The following PALMD variants were observed in gnomAD, a reference collection of about 807,000 sequenced individuals.
PALMD encodes the protein paralemmin-like protein.
Under a neutral mutation model 56.2 loss-of-function variants are expected in PALMD, and 42 were observed. The observed-to-expected ratio is 0.75, with a 90% CI of 0.58 to 0.97. The LOEUF (loss-of-function observed/expected upper bound fraction) is 0.97, where lower values mean the gene tolerates loss of function less well. PALMD is among the 50% of genes least tolerant of loss of function. The probability of loss-of-function intolerance (pLI) is 0.00; values close to 1 mark genes in which losing one functional copy is unlikely to be tolerated. For synonymous variants in PALMD, 242 were observed against 222.9 expected (o/e 1.09, Z -0.76); for missense variants, 660 against 643.8 (o/e 1.03, Z -0.27).
chr1:99,667,876 G>T, intron 3 of PALMD, 110 bp downstream of exon 3: 16 of 1,005,484 alleles, frequency 1.6e-5, no homozygotes, highest in East Asian at 2.5e-5. Context: ...TCTTCCATTT[G>T]AATTTCTTTT....
At chr1:99,673,428 C>T (rs1449338536) in intron 3 of PALMD, among the ~76,000 whole-genome samples, 2 of 151,840 alleles carry the variant, frequency 1.3e-5, no homozygotes, top group Admixed American at 1.3e-4. Flanking sequence ...TAACCCGTAT[C>T]TAATACCACA....
At chr1:99,692,993 A>C (rs1653695446) in intron 7 of PALMD, among the ~76,000 whole-genome samples, 1 of 152,252 alleles carries the variant, frequency 6.6e-6, no homozygotes, top group Admixed American at 6.5e-5. Context: ...TATTTCATAT[A>C]AGTGGAGTGA....
chr1:99,691,077 CTCAA>C (rs1188758306), intron 7 of PALMD, among the ~76,000 whole-genome samples: 1 of 152,092 alleles, frequency 6.6e-6, no homozygotes, highest in Non-Finnish European at 1.5e-5. Flanking sequence ...ATACAACTTC[CTCAA>C]TCAGAGTTGA....
At chr1:99,654,546 TC>T (rs1298722257) in intron 1 of PALMD, among the ~76,000 whole-genome samples, 1 of 152,118 alleles carries the variant, frequency 6.6e-6, no homozygotes, top group African/African-American at 2.4e-5. Context: ...ATCATATACT[TC>T]CAAATTTATT....
At chr1:99,690,965 T>A (rs1014314578) in intron 7 of PALMD, among the ~76,000 whole-genome samples, 2 of 152,128 alleles carry the variant, frequency 1.3e-5, no homozygotes, top group Non-Finnish European at 2.9e-5. Flanking sequence ...AATAATACAG[T>A]AAAATGAACC....
chr1:99,667,788 T>TC (rs1652999937), intron 3 of PALMD, 22 bp downstream of exon 3: 3 of 1,605,160 alleles, frequency 1.9e-6, no homozygotes, highest in Non-Finnish European at 2.6e-6. Flanking sequence ...ACTGAGATAC[T>TC]CCACAACTAC....
chr1:99,675,928 T>C (rs1482909782), intron 3 of PALMD, among the ~76,000 whole-genome samples: 1 of 152,200 alleles, frequency 6.6e-6, no homozygotes, highest in East Asian at 1.9e-4. Flanking sequence ...TTTGCAGAGT[T>C]ATATTAGGAG....
intron 3 of PALMD, chr1:99,684,832 T>A (rs375469477): frequency 6.6e-6 from 1 of 152,178 alleles, no homozygotes. Context: ...TGAGTCTTAG[T>A]GAGGTCAGGT....
At chr1:99,664,747 T>G (rs779347573) in intron 2 of PALMD, among the ~76,000 whole-genome samples, 7 of 152,228 alleles carry the variant, frequency 4.6e-5, no homozygotes, top group Non-Finnish European at 1.0e-4. Context: ...ATAGCCTGTC[T>G]CTTATTTTCT....
chr1:99,681,731 A>G (rs12122854), intron 3 of PALMD, among the ~76,000 whole-genome samples: 94,239 of 151,816 alleles, frequency 0.62, 29,930 homozygotes, highest in Non-Finnish European at 0.7. Context: ...GACATTCAGC[A>G]CCATCCCTGG....
intron 1 of PALMD, among the ~76,000 whole-genome samples, chr1:99,661,672 T>C (rs1043529264): frequency 4.6e-5 from 7 of 152,206 alleles, no homozygotes; most frequent in Admixed American, 4.6e-4. Context: ...CCTTTTTGTA[T>C]CAGTAGTTAT....
intron 1 of PALMD, among the ~76,000 whole-genome samples, chr1:99,658,732 T>C (rs1392981301): frequency 6.6e-6 from 1 of 151,324 alleles, no homozygotes; most frequent in Non-Finnish European, 1.5e-5. Flanking sequence ...GATCCCACCA[T>C]TGCACTCCAG....
At chr1:99,647,291 A>C (rs868604533) in intron 1 of PALMD, among the ~76,000 whole-genome samples, 2 of 152,216 alleles carry the variant, frequency 1.3e-5, no homozygotes, top group African/African-American at 4.8e-5. Flanking sequence ...GAAAAAAATG[A>C]GTACTTTTTA....
At chr1:99,677,672 T>C (rs1653244620) in intron 3 of PALMD, among the ~76,000 whole-genome samples, 1 of 152,266 alleles carries the variant, frequency 6.6e-6, no homozygotes, top group East Asian at 1.9e-4. Flanking sequence ...TTTACTCACA[T>C]GGTACCATCT....
rs114664112 is a variant in PALMD, at chr1:99,655,553, C to A, written c.46-6766C>A. The stretch of plus-strand genomic sequence containing the variant: ...GTCTTTAAATATTCATCATTCACCT[C>A]TTTGCCTCTTCAAAAAAACTGGGTC... On this transcript the variant is annotated intron_variant, in intron 1 of 7. Transcript: ENST00000263174. Among the ~76,000 whole-genome samples the A allele has an allele frequency of 4.5e-3, 681 of 152,248 alleles. 3 individuals carry two copies. The highest frequency in any genetic ancestry group is 0.015 in the African/African-American group (634 of 41,552).
At chr1:99,667,804 T>C (rs183082790) in intron 3 of PALMD, 38 bp downstream of exon 3, 3 of 1,589,752 alleles carry the variant, frequency 1.9e-6, no homozygotes, top group Non-Finnish European at 2.6e-6. Flanking sequence ...ACTACCTTTA[T>C]TTTGACTTTA....
At chr1:99,671,532 T>C (rs1393618844) in intron 3 of PALMD, among the ~76,000 whole-genome samples, 2 of 152,330 alleles carry the variant, frequency 1.3e-5, no homozygotes, top group Non-Finnish European at 2.9e-5. Flanking sequence ...AGAACAACAC[T>C]GCACGGATCT....
At chr1:99,647,119 T>C (rs1340915876) in intron 1 of PALMD, among the ~76,000 whole-genome samples, 1 of 152,226 alleles carries the variant, frequency 6.6e-6, no homozygotes, top group Non-Finnish European at 1.5e-5. Flanking sequence ...AGCTTTCTTT[T>C]TAATTTTATA....
At chr1:99,693,944 A>G (rs1240760504) in intron 7 of PALMD, 75 bp from the exon 8 acceptor site, 2 of 978,820 alleles carry the variant, frequency 2.0e-6, no homozygotes, top group African/African-American at 1.6e-5. Context: ...ACTTTCCTGC[A>G]TTCTATGAAT....
Sources: allele counts gnomAD v4.1 joint callset (sites outside exome capture counted in the v4.1 genomes callset), GRCh38; gene constraint gnomAD v4.1.1; transcripts MANE v1.5; gene names NCBI Gene and HGNC (gene_info 2026-07-23, HGNC 2026-07-21).